PRKCZ: variants seen among roughly 807,000 people sequenced by gnomAD.
The protein encoded by PRKCZ is protein kinase C zeta type.
A neutral mutation model predicts 79.5 loss-of-function variants in PRKCZ; 33 were observed. The ratio of observed to expected loss-of-function variants is 0.41; its 90% CI spans 0.31 to 0.55. The LOEUF is 0.55. Among genes scored for constraint, PRKCZ ranks in the 20% least tolerant of loss-of-function variants. The pLI is 0.19. For missense variants in PRKCZ, 578 were observed against 813.5 expected (o/e 0.71, Z 3.52); for synonymous variants, 342 against 320.9 (o/e 1.07, Z -0.70).
chr1:2,104,826 C>G lies in PRKCZ; in HGVS notation c.335-30436C>G, dbSNP rs1031860570. 7.1e-6 allele frequency: 7 copies of G among 985,616 alleles called. No homozygotes were observed. The African/African-American group carries it at 1.2e-4, about 17-fold the overall frequency. 61.1% of individuals were successfully genotyped at this position (985,616 alleles called of 1,614,324 possible). A position where few individuals can be genotyped will look rare whatever the true frequency, so the allele number is the denominator to read the frequency against. On this transcript the variant is annotated intron_variant, in intron 4 of 17. Coordinates refer to ENST00000378567, the MANE Select transcript of PRKCZ (RefSeq NM_002744.6). ...GGAGAGTTGGAGGGCGCTTCCTCGC[C>G]GGGTGTTGCGGTGTGAGCGGGGACT... is the stretch of plus-strand genomic sequence containing the variant.
chr1:2,172,275 C>G lies in PRKCZ; in HGVS notation c.1198-26C>G, dbSNP rs1684590412. 6.2e-7 allele frequency: 1 copy of G among 1,613,544 alleles called. No individual in the cohort carries two copies. The highest frequency in any genetic ancestry group is 8.5e-7 in the Non-Finnish European group (1 of 1,180,004). Reference sequence around the variant, plus strand: ...CCGCGGGGTAGTGTCTACAAGAACCCTCTCCCAGTAACTTTGCCCCCACAG... The same window carrying G: ...CCGCGGGGTAGTGTCTACAAGAACCGTCTCCCAGTAACTTTGCCCCCACAG... On this transcript the variant is annotated intron_variant, in intron 12 of 17. Transcript: ENST00000378567. The surrounding 1 kb of genome is among the most constrained non-coding windows in gnomAD (Gnocchi z 7.8).
chr1:2,086,353 GC>G (rs1445271859), intron 4 of PRKCZ, among the ~76,000 whole-genome samples: 2 of 152,020 alleles, frequency 1.3e-5, no homozygotes, highest in African/African-American at 4.8e-5. Context: ...GAGCCTCCAG[GC>G]CTCAGCCTCC....
Position 2,174,254 on chromosome 1 carries a change from C to T in PRKCZ, c.1405+238C>T, listed in dbSNP as rs556647783. On this transcript the variant is annotated intron_variant, in intron 14 of 17. Transcript: ENST00000378567. The surrounding 1 kb of genome is among the most constrained non-coding windows in gnomAD (Gnocchi z 6.2). ...AACCTGTCCCCATTCAGCTCCAACT[C>T]CCTCCTGCCCTGGCCAGCAGCACAT... Among the ~76,000 whole-genome samples, 1 of 152,304 alleles carries T rather than the reference C, an allele frequency of 6.6e-6. No individual in the cohort carries two copies. Among genetic ancestry groups the T allele is most frequent in the South Asian group, 2.1e-4 (1 of 4,830 alleles).
At chr1:2,146,304 G>C (rs1678505632) in intron 7 of PRKCZ, among the ~76,000 whole-genome samples, 196 bp downstream of exon 7, 1 of 152,220 alleles carries the variant, frequency 6.6e-6, no homozygotes, top group Non-Finnish European at 1.5e-5. Context: ...GAGATGAGCA[G>C]GGTGAGCTGG....
intron 11 of PRKCZ, among the ~76,000 whole-genome samples, chr1:2,170,952 C>T (rs1195622363): frequency 1.3e-5 from 2 of 152,240 alleles, no homozygotes; most frequent in Non-Finnish European, 2.9e-5. Context: ...CTGCTGTGAA[C>T]ATGGGTGTGA....
rs1169767526 is a variant in PRKCZ, at chr1:2,165,844, A to AG, written c.975-3669dup. Among the ~76,000 whole-genome samples the AG allele has an allele frequency of 2.0e-5, 3 of 151,886 alleles. No homozygotes were observed. The highest frequency in any genetic ancestry group is 1.9e-4 in the East Asian group (1 of 5,146). On this transcript the variant is annotated intron_variant, in intron 10 of 17. Transcript: ENST00000378567. The surrounding 1 kb of genome is among the most constrained non-coding windows in gnomAD (Gnocchi z 4.1). Reference sequence around the variant, plus strand: ...GGAAGGGGTGGGGGGAGTGGCGAGGAGGGGGCGGCACCAAGGACAGGGCCC... The same window carrying AG: ...GGAAGGGGTGGGGGGAGTGGCGAGGAGGGGGGCGGCACCAAGGACAGGGCCC...
upstream of PRKCZ, among the ~76,000 whole-genome samples, chr1:2,048,606 G>A (rs1387082238): frequency 2.6e-5 from 4 of 152,104 alleles, no homozygotes; most frequent in Admixed American, 2.6e-4. Flanking sequence ...GGGGGACTTC[G>A]ATGACCCAGA....
At position 2,109,894 on chromosome 1, in the gene PRKCZ, A is replaced by G. The variant is rs77198737; in HGVS notation, c.335-25368A>G. ...GGGCCAGGGCAGTGGGGTGGACTCC[A>G]GAAATGTCCAGTAGCAGAATTGCCA... is the stretch of plus-strand genomic sequence containing the variant. On this transcript the variant is annotated intron_variant, in intron 4 of 17. Transcript: ENST00000378567. 3.1e-3 allele frequency among the ~76,000 whole-genome samples: 475 copies of G among 152,302 alleles called. 12 individuals are homozygous for G. In the East Asian group the frequency reaches 0.066, roughly 21 times the overall value.
chr1:2,169,958 C>T (rs917992058), intron 11 of PRKCZ, among the ~76,000 whole-genome samples: 8 of 152,072 alleles, frequency 5.3e-5, no homozygotes, highest in Non-Finnish European at 8.8e-5. Flanking sequence ...TCCAGAGTCA[C>T]AACATTTGGG....
intron 4 of PRKCZ, among the ~76,000 whole-genome samples, chr1:2,107,491 G>A (rs72907434): frequency 0.012 from 1,758 of 152,318 alleles, 36 homozygotes; most frequent in African/African-American, 0.04. Flanking sequence ...ATGGAGCTGC[G>A]GTGGGAAAAC....
At chr1:2,110,388 C>T (rs978583801) in intron 4 of PRKCZ, among the ~76,000 whole-genome samples, 7 of 152,364 alleles carry the variant, frequency 4.6e-5, no homozygotes, top group Admixed American at 1.3e-4. Context: ...TGGCTTCCTC[C>T]GTTCAGGCTT....
At chr1:2,098,730 G>T (rs1666957959) in intron 4 of PRKCZ, among the ~76,000 whole-genome samples, 1 of 152,168 alleles carries the variant, frequency 6.6e-6, no homozygotes, top group Non-Finnish European at 1.5e-5. Context: ...CGCCCAGGCT[G>T]GAGTGCAGTG....
At chr1:2,107,711 T>G (rs1372902437) in intron 4 of PRKCZ, among the ~76,000 whole-genome samples, 1 of 151,822 alleles carries the variant, frequency 6.6e-6, no homozygotes, top group African/African-American at 2.4e-5. Flanking sequence ...CTACCCGGGC[T>G]GTGCCTCTCC....
At position 2,185,111 on chromosome 1, in the gene PRKCZ, C is replaced by T; in HGVS notation, c.*102C>T. On this transcript the variant is annotated 3_prime_UTR_variant, in exon 18 of 18. Transcript: ENST00000378567. ...GGCTGGGCACGGCTCCGAGGGCGGC[C>T]AGGGACAGACGCTTGCGCCGAGACC... 8.7e-7 allele frequency: 1 copy of T among 1,153,510 alleles called. No individual in the cohort carries two copies. The highest frequency in any genetic ancestry group is 1.5e-5 in the African/African-American group (1 of 65,666). 71.5% of individuals were successfully genotyped at this position (1,153,510 alleles called of 1,614,324 possible).
chr1:2,092,942 C>T (rs1030592057), intron 4 of PRKCZ, among the ~76,000 whole-genome samples: 1 of 152,220 alleles, frequency 6.6e-6, no homozygotes, highest in Admixed American at 6.5e-5. Context: ...ATAGAGGGCC[C>T]CAGGCCTCGG....
chr1:2,100,263 C>T (rs548199454), intron 4 of PRKCZ, among the ~76,000 whole-genome samples: 4 of 152,358 alleles, frequency 2.6e-5, no homozygotes, highest in South Asian at 2.1e-4. Flanking sequence ...TGTGGAAAAA[C>T]GCCCACGTCA....
intron 4 of PRKCZ, among the ~76,000 whole-genome samples, chr1:2,112,377 A>G (rs1669914772): frequency 6.6e-6 from 1 of 152,180 alleles, no homozygotes; most frequent in African/African-American, 2.4e-5. Context: ...CGAACCTCTG[A>G]CGTGCTCCAT....
intron 4 of PRKCZ, among the ~76,000 whole-genome samples, chr1:2,073,137 T>A (rs1557495557): frequency 6.6e-6 from 1 of 152,060 alleles, no homozygotes; most frequent in Non-Finnish European, 1.5e-5. Context: ...CCGTGAGGTC[T>A]GGTCTTGGGA....
intron 16 of PRKCZ, 155 bp from the exon 17 acceptor site, chr1:2,184,428 G>A (rs1557764655): frequency 1.7e-6 from 1 of 597,594 alleles, no homozygotes; most frequent in South Asian, 2.1e-5. Flanking sequence ...TAGATTTTGT[G>A]TTGTAAGAAA....
Sources: allele counts gnomAD v4.1 joint callset (sites outside exome capture counted in the v4.1 genomes callset), GRCh38; gene constraint gnomAD v4.1.1; non-coding constraint Gnocchi (gnomAD v3.1); transcripts MANE v1.5; gene names NCBI Gene and HGNC (gene_info 2026-07-23, HGNC 2026-07-21).